Variants in DENND1A observed in about 807,000 individuals in gnomAD.
The protein encoded by DENND1A is DENN domain containing 1A.
DENND1A carries 51 observed loss-of-function variants against 113.7 expected under a neutral mutation model. The ratio of observed to expected loss-of-function variants is 0.45; its 90% CI spans 0.36 to 0.57. The LOEUF is 0.57. Among genes scored for constraint, DENND1A ranks in the 20% least tolerant of loss-of-function variants. The probability of loss-of-function intolerance (pLI) is 0.00; values close to 1 mark genes in which losing one functional copy is unlikely to be tolerated. For missense variants in DENND1A, 1,258 were observed against 1,395.9 expected, an observed-to-expected ratio of 0.90 and a Z score of 1.57; for synonymous variants, 565 against 570.8, an observed-to-expected ratio of 0.99 and a Z score of 0.14.
intron 5 of DENND1A, among the ~76,000 whole-genome samples, chr9:123,683,388 G>A (rs1246641590): frequency 6.6e-6 from 1 of 152,120 alleles, no homozygotes; most frequent in East Asian, 1.9e-4. Flanking sequence ...GGAAAAAAAT[G>A]ACTCCTTTTA....
chr9:123,658,170 G>C (rs548289409), intron 8 of DENND1A, among the ~76,000 whole-genome samples: 1 of 151,956 alleles, frequency 6.6e-6, no homozygotes, highest in Non-Finnish European at 1.5e-5. Context: ...CATTCTAACT[G>C]CTTTCCTCGC....
At chr9:123,830,301 T>C (rs1839978579) in intron 2 of DENND1A, among the ~76,000 whole-genome samples, 1 of 152,074 alleles carries the variant, frequency 6.6e-6, no homozygotes, top group African/African-American at 2.4e-5. Flanking sequence ...AAAGCAAAAC[T>C]AATCTATGGT....
intron 12 of DENND1A, among the ~76,000 whole-genome samples, chr9:123,557,977 G>A (rs2057522644): frequency 6.7e-6 from 1 of 148,672 alleles, no homozygotes; most frequent in African/African-American, 2.5e-5. Context: ...GGGCGACAGA[G>A]AGAAACTCAG....
At chr9:123,553,396 A>ACC (rs2057228203) in intron 13 of DENND1A, among the ~76,000 whole-genome samples, 1 of 108,012 alleles carries the variant, frequency 9.3e-6, no homozygotes, top group Non-Finnish European at 1.9e-5. Flanking sequence ...CCTTTTTAAA[A>ACC]GCCGCCCCCC....
intron 5 of DENND1A, among the ~76,000 whole-genome samples, chr9:123,710,346 T>A (rs2066495256): frequency 6.6e-6 from 1 of 152,230 alleles, no homozygotes; most frequent in African/African-American, 2.4e-5. Flanking sequence ...AATAAGAGTT[T>A]TGAAGGCCTT....
At chr9:123,906,180 C>A (rs1370111832) in intron 1 of DENND1A, among the ~76,000 whole-genome samples, 1 of 148,726 alleles carries the variant, frequency 6.7e-6, no homozygotes, top group Non-Finnish European at 1.5e-5. Context: ...ACACAACATA[C>A]CAGAATCTCT....
chr9:123,527,097 C>T lies in DENND1A; in HGVS notation c.993+30473G>A, dbSNP rs75126108. On this transcript the variant is annotated intron_variant, in intron 13 of 23. Coordinates refer to ENST00000394215, the MANE Select transcript of DENND1A (RefSeq NM_001352964.2). Reference sequence around the variant, plus strand: ...TGGGTTGGTCTTGTTTTACTTTTCTCTCTCTTTTCTATTCACTCAAATCCT... The same window carrying T: ...TGGGTTGGTCTTGTTTTACTTTTCTTTCTCTTTTCTATTCACTCAAATCCT... 5.6e-3 allele frequency among the ~76,000 whole-genome samples: 849 copies of T among 152,244 alleles called. 1 individual carries two copies. Among genetic ancestry groups the T allele is most frequent in the Admixed American group, 0.018 (279 of 15,296 alleles).
At chr9:123,472,276 G>C (rs1406953294) in intron 13 of DENND1A, among the ~76,000 whole-genome samples, 1 of 152,120 alleles carries the variant, frequency 6.6e-6, no homozygotes, top group Non-Finnish European at 1.5e-5. Context: ...GGGGGAGGGG[G>C]AGGCATAAAA....
intron 19 of DENND1A, chr9:123,413,397 C>T (rs2044467803): frequency 3.0e-6 from 3 of 983,950 alleles, no homozygotes; most frequent in South Asian, 9.4e-5. Flanking sequence ...ATGAAGCTCC[C>T]ATTATGTTTT....
chr9:123,553,010 G>C (rs1175599586), intron 13 of DENND1A, among the ~76,000 whole-genome samples: 7 of 152,238 alleles, frequency 4.6e-5, no homozygotes, highest in Non-Finnish European at 8.8e-5. Flanking sequence ...CTCAGCACGA[G>C]ATTTGGGAGT....
intron 5 of DENND1A, among the ~76,000 whole-genome samples, chr9:123,701,094 A>G (rs1034643443): frequency 5.9e-5 from 9 of 152,242 alleles, no homozygotes; most frequent in Non-Finnish European, 1.0e-4. Context: ...CAAAATGTCT[A>G]TAAGACAATA....
At chr9:123,681,581 AAG>A (rs2064461992) in intron 5 of DENND1A, among the ~76,000 whole-genome samples, 1 of 152,200 alleles carries the variant, frequency 6.6e-6, no homozygotes, top group Non-Finnish European at 1.5e-5. Flanking sequence ...TTACTATCAG[AAG>A]AGAGTTACAA....
chr9:123,753,476 T>C (rs964328433), intron 5 of DENND1A, among the ~76,000 whole-genome samples: 3 of 152,238 alleles, frequency 2.0e-5, no homozygotes, highest in African/African-American at 7.2e-5. Flanking sequence ...ACCTCCATTG[T>C]GAGATTAAAA....
chr9:123,658,068 G>A (rs1038701353), intron 8 of DENND1A, among the ~76,000 whole-genome samples: 1 of 152,078 alleles, frequency 6.6e-6, no homozygotes, highest in African/African-American at 2.4e-5. Flanking sequence ...CTTTGTTTAT[G>A]TTTGAAAGTC....
At chr9:123,825,603 C>A (rs1018032582) in intron 2 of DENND1A, among the ~76,000 whole-genome samples, 1 of 152,226 alleles carries the variant, frequency 6.6e-6, no homozygotes, top group Non-Finnish European at 1.5e-5. Flanking sequence ...GATTATAAGA[C>A]CCCATCTACC....
At chr9:123,839,439 T>C (rs1007965340) in intron 2 of DENND1A, among the ~76,000 whole-genome samples, 8 of 152,200 alleles carry the variant, frequency 5.3e-5, no homozygotes, top group Non-Finnish European at 1.0e-4. Flanking sequence ...AGGGATTCAA[T>C]TAAACACATT....
intron 5 of DENND1A, among the ~76,000 whole-genome samples, chr9:123,738,443 CTGTG>C (rs59851560): frequency 0.013 from 1,899 of 143,390 alleles, 27 homozygotes; most frequent in African/African-American, 0.034. Flanking sequence ...TCAACAGCTT[CTGTG>C]TGTGTGTGTG....
chr9:123,753,858 G>T (rs1449284238), intron 5 of DENND1A, among the ~76,000 whole-genome samples: 2 of 152,190 alleles, frequency 1.3e-5, no homozygotes, highest in African/African-American at 4.8e-5. Context: ...CTCTACATGG[G>T]GAAGGCTACT....
chr9:123,469,602 A>AGAC (rs1425186385), intron 13 of DENND1A, among the ~76,000 whole-genome samples: 1 of 152,344 alleles, frequency 6.6e-6, no homozygotes. Context: ...GAAGCTAAGG[A>AGAC]GACACAATGA....
Sources: gnomAD v4.1 joint callset for allele counts (sites outside exome capture counted in the v4.1 genomes callset) on GRCh38, gnomAD v4.1.1 for gene constraint, MANE v1.5 for transcripts, NCBI Gene and HGNC (gene_info 2026-07-23, HGNC 2026-07-21) for gene names.